Variants in C4orf51 observed in about 807,000 individuals in gnomAD.
C4orf51 encodes uncharacterized protein C4orf51.
In C4orf51, 25 loss-of-function variants were observed where a neutral mutation model predicts 25.2. The ratio of observed to expected loss-of-function variants is 0.99; its 90% CI spans 0.72 to 1.39. The LOEUF (loss-of-function observed/expected upper bound fraction) is 1.39. Among genes scored for constraint, C4orf51 ranks in the 40% most tolerant of loss-of-function variants. The pLI is 0.00. For synonymous variants in C4orf51, 100 were observed against 84.5 expected (o/e 1.18, Z -1.01); for missense variants, 252 against 239.6 (o/e 1.05, Z -0.34).
downstream of C4orf51, among the ~76,000 whole-genome samples, chr4:145,733,396 C>T (rs1437654940): frequency 6.6e-6 from 1 of 152,206 alleles, no homozygotes; most frequent in Non-Finnish European, 1.5e-5. Flanking sequence ...GCAGGGGCTG[C>T]ACATGACCTG....
Position 145,762,484 on chromosome 4 carries a change from T to C in C4orf51, n.167-8504T>C, listed in dbSNP as rs1180561451. On this transcript the variant is annotated intron_variant and non_coding_transcript_variant, in intron 1 of 1. Transcript: ENST00000510096. This position sits in a 1 kb window ranked among gnomAD's most constrained non-coding sequence, Gnocchi z 4.9. Reference sequence around the variant, plus strand: ...TTTCCTCTGCATTCTCTGCAGTGCTTGGTAGAGTACTTAACACACGGTAAG... The same window carrying C: ...TTTCCTCTGCATTCTCTGCAGTGCTCGGTAGAGTACTTAACACACGGTAAG... 6.6e-6 allele frequency among the ~76,000 whole-genome samples: 1 copy of C among 152,228 alleles called. No individual in the cohort carries two copies. The highest frequency in any genetic ancestry group is 1.5e-5 in the Non-Finnish European group (1 of 68,040).
At chr4:145,699,745 G>T (rs1730305344) in intron 2 of C4orf51, among the ~76,000 whole-genome samples, 1 of 152,118 alleles carries the variant, frequency 6.6e-6, no homozygotes, top group African/African-American at 2.4e-5. Context: ...GCTTTTCTGG[G>T]GAAGGGGCAA....
chr4:145,684,224 T>A (rs181601582), intron 1 of C4orf51, among the ~76,000 whole-genome samples: 107 of 152,198 alleles, frequency 7.0e-4, no homozygotes, highest in African/African-American at 2.3e-3. Context: ...GGCTCACACC[T>A]GTAATCCCAG....
intron 1 of C4orf51, chr4:145,764,902 A>G: frequency 1.3e-6 from 2 of 1,596,382 alleles, no homozygotes; most frequent in Non-Finnish European, 1.7e-6. Context: ...TGACTCCCAA[A>G]ACCTTCACGG....
chr4:145,763,219 A>C lies in C4orf51; in HGVS notation n.167-7769A>C. On this transcript the variant is annotated intron_variant and non_coding_transcript_variant, in intron 1 of 1. Coordinates refer to the C4orf51 transcript ENST00000510096. This position sits in a 1 kb window ranked among gnomAD's most constrained non-coding sequence, Gnocchi z 4.6. ...GTTCCATCACAGAAAAGCAATTTAG[A>C]CATCAGCAGTCTGTTTCATTTTAAG... 8.3e-7 allele frequency: 1 copy of C among 1,202,750 alleles called. No homozygotes were observed. The highest frequency in any genetic ancestry group is 1.2e-6 in the Non-Finnish European group (1 of 859,144). 74.5% of individuals were successfully genotyped at this position (1,202,750 alleles called of 1,614,324 possible).
At chr4:145,696,437 C>T in intron 1 of C4orf51, 122 bp from the exon 2 acceptor site, 1 of 785,180 alleles carries the variant, frequency 1.3e-6, no homozygotes. Flanking sequence ...TTCACATGTA[C>T]TCCCAAACCT....
intron 1 of C4orf51, among the ~76,000 whole-genome samples, chr4:145,744,148 A>G (rs1733239378): frequency 6.6e-6 from 1 of 152,146 alleles, no homozygotes; most frequent in Non-Finnish European, 1.5e-5. Context: ...TTAAATAATA[A>G]ATGAAAAAGA....
Position 145,726,985 on chromosome 4 carries a change from C to A in C4orf51, c.366+16C>A, listed in dbSNP as rs373518184. 7.4e-5 allele frequency: 119 copies of A among 1,600,812 alleles called. 1 individual carries two copies. Among genetic ancestry groups the A allele is most frequent in the South Asian group, 2.8e-4 (25 of 90,730 alleles). ...GCATGGAGTGGTAAGCCCAACATTT[C>A]TCAGCAATCTCTTACCTGTAGAGAG... On this transcript the variant is annotated intron_variant, in intron 3 of 5. Transcript: ENST00000438731.
chr4:145,702,990 T>C (rs1360004006), intron 2 of C4orf51, among the ~76,000 whole-genome samples: 1 of 150,942 alleles, frequency 6.6e-6, no homozygotes, highest in Non-Finnish European at 1.5e-5. Context: ...CCCCCAAAAT[T>C]TTCGCCACCC....
intron 2 of C4orf51, among the ~76,000 whole-genome samples, chr4:145,716,032 C>T (rs933585627): frequency 6.6e-6 from 1 of 152,182 alleles, no homozygotes; most frequent in Admixed American, 6.5e-5. Flanking sequence ...CTATAGCCAC[C>T]TCCACCCTGT....
chr4:145,734,939 C>T (rs989707899), downstream of C4orf51, among the ~76,000 whole-genome samples: 13 of 152,118 alleles, frequency 8.5e-5, no homozygotes, highest in Admixed American at 2.6e-4. Context: ...TCCTTAGAGC[C>T]GGTTCAGTCT....
chr4:145,720,109 G>T (rs568991905), intron 2 of C4orf51, among the ~76,000 whole-genome samples: 1 of 152,294 alleles, frequency 6.6e-6, no homozygotes, highest in South Asian at 2.1e-4. Flanking sequence ...GTGGCAACAG[G>T]TGGATTAGGG....
At chr4:145,698,134 T>C (rs776837467) in intron 2 of C4orf51, among the ~76,000 whole-genome samples, 4 of 152,202 alleles carry the variant, frequency 2.6e-5, no homozygotes, top group African/African-American at 4.8e-5. Context: ...TTTGGAAAAA[T>C]GTCTCTTCAA....
At chr4:145,752,523 C>T (rs1223569030) in intron 1 of C4orf51, among the ~76,000 whole-genome samples, 3 of 152,188 alleles carry the variant, frequency 2.0e-5, no homozygotes, top group Non-Finnish European at 1.5e-5. Flanking sequence ...ATCCAAGTTA[C>T]AAGACAAAGC....
At chr4:145,692,953 G>GTTTTTATTTTTTTT (rs1729687676) in intron 1 of C4orf51, among the ~76,000 whole-genome samples, 1 of 100,970 alleles carries the variant, frequency 9.9e-6, no homozygotes, top group Non-Finnish European at 2.0e-5. Flanking sequence ...TAAGTTTTTA[G>GTTTTTATTTTTTTT]TTTTTTTTTT....
At chr4:145,684,353 G>A (rs1388434301) in intron 1 of C4orf51, among the ~76,000 whole-genome samples, 1 of 152,070 alleles carries the variant, frequency 6.6e-6, no homozygotes, top group Admixed American at 6.6e-5. Context: ...TTGGTGGCGG[G>A]TGCCTGTAGT....
chr4:145,730,930 G>C (rs1732422938), intron 5 of C4orf51, among the ~76,000 whole-genome samples: 1 of 152,234 alleles, frequency 6.6e-6, no homozygotes, highest in Non-Finnish European at 1.5e-5. Context: ...AAATGGTGCA[G>C]TTTTTCTCAA....
At chr4:145,767,136 G>A (rs573122637) in intron 1 of C4orf51, among the ~76,000 whole-genome samples, 8 of 152,256 alleles carry the variant, frequency 5.3e-5, no homozygotes, top group East Asian at 1.9e-4. Flanking sequence ...GTTAGACTTC[G>A]CAGACAAGGA....
intron 2 of C4orf51, among the ~76,000 whole-genome samples, chr4:145,700,634 C>A (rs760479812): frequency 6.6e-6 from 1 of 152,158 alleles, no homozygotes; most frequent in Non-Finnish European, 1.5e-5. Flanking sequence ...GACGTCCAGG[C>A]ATTATTTTAC....
Sources: gnomAD v4.1 joint callset for allele counts (sites outside exome capture counted in the v4.1 genomes callset) on GRCh38, gnomAD v4.1.1 for gene constraint, Gnocchi (gnomAD v3.1) non-coding constraint, MANE v1.5 for transcripts, NCBI Gene and HGNC (gene_info 2026-07-23, HGNC 2026-07-21) for gene names.